The following SNX29 variants were observed in gnomAD, a reference collection of about 807,000 sequenced individuals.
The protein encoded by SNX29 is sorting nexin 29.
SNX29 carries 78 observed loss-of-function variants against 102.1 expected under a neutral mutation model. The ratio of observed to expected loss-of-function variants is 0.76; its 90% CI spans 0.64 to 0.92. The LOEUF is 0.92. Among genes scored for constraint, SNX29 ranks in the 40% least tolerant of loss-of-function variants. The pLI, the probability that SNX29 is intolerant of heterozygous loss-of-function variation, is 0.00. For missense variants in SNX29, 1,280 were observed against 1,061.7 expected, an observed-to-expected ratio of 1.21 and a Z score of -2.86; for synonymous variants, 580 against 414.5, an observed-to-expected ratio of 1.40 and a Z score of -4.85.
chr16:12,043,709 C>T (rs1181713250), intron 5 of SNX29, among the ~76,000 whole-genome samples: 1 of 151,432 alleles, frequency 6.6e-6, no homozygotes, highest in Non-Finnish European at 1.5e-5. Context: ...CTGAAAAAAA[C>T]ATGGAAATTT....
intron 20 of SNX29, among the ~76,000 whole-genome samples, chr16:12,566,229 C>T (rs999241948): frequency 1.4e-4 from 22 of 152,202 alleles, no homozygotes; most frequent in African/African-American, 5.3e-4. Flanking sequence ...TGGTTGTCAT[C>T]CCCAAATGAC....
At chr16:11,979,167 C>T (rs1476298868) in intron 1 of SNX29, among the ~76,000 whole-genome samples, 10 of 138,232 alleles carry the variant, frequency 7.2e-5, no homozygotes, top group Admixed American at 4.0e-4. Context: ...CGCAGCTACT[C>T]GGGAGGCTGA....
At chr16:12,536,596 C>T (rs567667174) in intron 20 of SNX29, among the ~76,000 whole-genome samples, 61 of 152,280 alleles carry the variant, frequency 4.0e-4, no homozygotes, top group African/African-American at 9.9e-4. Flanking sequence ...GCACAGAGAA[C>T]GCACTAACTA....
chr16:12,343,671 C>T lies in SNX29; in HGVS notation c.1783-12492C>T, dbSNP rs1382269080. 4.6e-5 allele frequency among the ~76,000 whole-genome samples: 7 copies of T among 151,556 alleles called. No individual in the cohort carries two copies. In the East Asian group the frequency reaches 7.8e-4, roughly 17 times the overall value. On this transcript the variant is annotated intron_variant, in intron 15 of 20. Transcript: ENST00000566228. ...GCCACTGGCCACTTTGTCTGAGAACCGTTGACCACCTAGATCCCCACGAGA... is the reference window on the plus strand; with the variant it reads ...GCCACTGGCCACTTTGTCTGAGAACTGTTGACCACCTAGATCCCCACGAGA...
At chr16:12,013,500 A>AAAAAAATATATATATAT in intron 3 of SNX29, among the ~76,000 whole-genome samples, 19 of 31,612 alleles carry the variant, frequency 6.0e-4, no homozygotes, top group Non-Finnish European at 8.0e-4. Context: ...AAAAAAAAAA[A>AAAAAAATATATATATAT]ATATATATAT....
chr16:12,541,761 A>C (rs1300268353), intron 20 of SNX29, among the ~76,000 whole-genome samples: 1 of 152,048 alleles, frequency 6.6e-6, no homozygotes, highest in African/African-American at 2.4e-5. Flanking sequence ...AGTGCCTGAT[A>C]CTGACCTGCG....
At chr16:12,364,927 A>C (rs2082417359) in intron 16 of SNX29, among the ~76,000 whole-genome samples, 1 of 151,838 alleles carries the variant, frequency 6.6e-6, no homozygotes, top group African/African-American at 2.4e-5. Context: ...TGATGAGGGA[A>C]CCACCCTTTG....
intron 19 of SNX29, among the ~76,000 whole-genome samples, chr16:12,483,272 G>A (rs368502486): frequency 6.6e-6 from 1 of 150,668 alleles, no homozygotes; most frequent in Non-Finnish European, 1.5e-5. Flanking sequence ...GCCTCCCAAA[G>A]TGGTGAGATT....
At chr16:12,475,924 T>C (rs1001642643) in intron 18 of SNX29, among the ~76,000 whole-genome samples, 1 of 152,182 alleles carries the variant, frequency 6.6e-6, no homozygotes, top group Admixed American at 6.5e-5. Context: ...AGATAATTAG[T>C]ATTATGTATG....
chr16:12,115,361 T>C (rs1365439662), intron 11 of SNX29, among the ~76,000 whole-genome samples: 1 of 152,094 alleles, frequency 6.6e-6, no homozygotes, highest in African/African-American at 2.4e-5. Flanking sequence ...GCCAGGCCAG[T>C]GAAACCCCAG....
intron 1 of SNX29, among the ~76,000 whole-genome samples, chr16:11,983,159 G>A (rs1158360070): frequency 1.3e-5 from 2 of 151,436 alleles, no homozygotes; most frequent in East Asian, 3.9e-4. Flanking sequence ...TCAAAATTCT[G>A]AGCTCAGGTG....
chr16:12,116,833 C>T (rs989766946), intron 11 of SNX29, among the ~76,000 whole-genome samples: 5 of 152,064 alleles, frequency 3.3e-5, no homozygotes, highest in African/African-American at 7.2e-5. Flanking sequence ...TTAGTCAATA[C>T]GTGCTTCAAC....
At chr16:12,431,059 T>A (rs1284226784) in intron 18 of SNX29, among the ~76,000 whole-genome samples, 1 of 151,922 alleles carries the variant, frequency 6.6e-6, no homozygotes, top group Non-Finnish European at 1.5e-5. Flanking sequence ...ACCGTGTTGG[T>A]CAGGCTGGTC....
At chr16:12,158,713 G>A (rs900273300) in intron 13 of SNX29, among the ~76,000 whole-genome samples, 14 of 152,194 alleles carry the variant, frequency 9.2e-5, no homozygotes, top group Non-Finnish European at 5.9e-5. Context: ...CCGGAGACTC[G>A]GGGTAGCCCG....
intron 20 of SNX29, among the ~76,000 whole-genome samples, chr16:12,559,373 A>G (rs549828984): frequency 1.3e-5 from 2 of 151,034 alleles, no homozygotes; most frequent in South Asian, 4.2e-4. Context: ...ATGCCTGATG[A>G]TCTCTCACCC....
chr16:11,996,709 A>C (rs1023519959), intron 1 of SNX29, among the ~76,000 whole-genome samples: 1 of 152,060 alleles, frequency 6.6e-6, no homozygotes, highest in African/African-American at 2.4e-5. Flanking sequence ...CTTTTTTTCT[A>C]TTCTGGTGTT....
chr16:12,414,111 G>A (rs2084524512), intron 18 of SNX29, among the ~76,000 whole-genome samples: 1 of 152,188 alleles, frequency 6.6e-6, no homozygotes, highest in South Asian at 2.1e-4. Flanking sequence ...ATAAAAGTGT[G>A]TGCATGTTCA....
intron 20 of SNX29, among the ~76,000 whole-genome samples, chr16:12,541,697 G>C (rs1007324): frequency 1.3e-5 from 2 of 152,028 alleles, no homozygotes; most frequent in South Asian, 2.1e-4. Context: ...ACCCTGGGGC[G>C]GGAGTGGGTT....
chr16:12,410,756 A>T (rs971922169), intron 18 of SNX29, among the ~76,000 whole-genome samples: 1 of 152,172 alleles, frequency 6.6e-6, no homozygotes, highest in African/African-American at 2.4e-5. Context: ...TAAAGGTTTA[A>T]TCCAGCTAAG....
Sources: allele counts gnomAD v4.1 joint callset (sites outside exome capture counted in the v4.1 genomes callset), GRCh38; gene constraint gnomAD v4.1.1; transcripts MANE v1.5; gene names NCBI Gene and HGNC (gene_info 2026-07-23, HGNC 2026-07-21).